Variants in HECW2 observed in about 807,000 individuals in gnomAD.
HECW2 encodes the protein E3 ubiquitin-protein ligase HECW2.
In HECW2, 61 loss-of-function variants were observed where a neutral mutation model predicts 175.2. That is an observed-to-expected ratio of 0.35 (90% CI 0.28 to 0.43). The LOEUF (loss-of-function observed/expected upper bound fraction) is 0.43, where lower values mean the gene tolerates loss of function less well. Ranked by LOEUF, HECW2 falls within the 20% of genes least tolerant of loss-of-function variation. The pLI, the probability that HECW2 is intolerant of heterozygous loss-of-function variation, is 1.00. For missense variants in HECW2, 1,524 were observed against 2,000.5 expected (o/e 0.76, Z 4.54); for synonymous variants, 671 against 731.0 (o/e 0.92, Z 1.32).
chr2:196,284,231 T>A (rs919439034), intron 14 of HECW2, among the ~76,000 whole-genome samples: 2 of 152,240 alleles, frequency 1.3e-5, no homozygotes, highest in Non-Finnish European at 2.9e-5. Context: ...CCAGACAGCA[T>A]GCTCTACATA....
At chr2:196,436,619 G>A (rs1695883744) in intron 1 of HECW2, among the ~76,000 whole-genome samples, 1 of 152,036 alleles carries the variant, frequency 6.6e-6, no homozygotes, top group Non-Finnish European at 1.5e-5. Context: ...TGTTTTCAGT[G>A]AAAGAACAAA....
chr2:196,242,548 T>C (rs1312532718), intron 19 of HECW2: 5 of 234,266 alleles, frequency 2.1e-5, no homozygotes, highest in Non-Finnish European at 4.2e-5. Flanking sequence ...ATGTCTTTGC[T>C]TGCTGCTGAA....
intron 1 of HECW2, among the ~76,000 whole-genome samples, chr2:196,460,315 A>G (rs1696689544): frequency 6.6e-6 from 1 of 152,204 alleles, no homozygotes; most frequent in African/African-American, 2.4e-5. Context: ...AGGCATTTTT[A>G]TTCGACTTTC....
At chr2:196,432,929 AT>A (rs1187814344) in intron 2 of HECW2, among the ~76,000 whole-genome samples, 1 of 152,218 alleles carries the variant, frequency 6.6e-6, no homozygotes, top group Non-Finnish European at 1.5e-5. Flanking sequence ...TGAGGTAGAG[AT>A]GTAACCACAA....
At chr2:196,535,928 C>G (rs1689004719) in intron 1 of HECW2, among the ~76,000 whole-genome samples, 1 of 152,028 alleles carries the variant, frequency 6.6e-6, no homozygotes, top group South Asian at 2.1e-4. Flanking sequence ...AAAAAAAAAT[C>G]TACCTCCAGG....
At chr2:196,450,056 C>T (rs930639792) in intron 1 of HECW2, among the ~76,000 whole-genome samples, 8 of 152,180 alleles carry the variant, frequency 5.3e-5, no homozygotes, top group Admixed American at 6.5e-5. Flanking sequence ...GGCTGAGAAC[C>T]AGAAAGAAAG....
At chr2:196,540,690 C>T (rs1689179801) in intron 1 of HECW2, among the ~76,000 whole-genome samples, 1 of 152,112 alleles carries the variant, frequency 6.6e-6, no homozygotes, top group Non-Finnish European at 1.5e-5. Flanking sequence ...AGCAATCCTC[C>T]TACTTCAAAG....
At chr2:196,405,650 A>T (rs182458049) in intron 2 of HECW2, among the ~76,000 whole-genome samples, 1 of 152,156 alleles carries the variant, frequency 6.6e-6, no homozygotes, top group East Asian at 1.9e-4. Context: ...TGTGCACATC[A>T]ATGTCATGTG....
chr2:196,577,178 T>C lies in HECW2; in HGVS notation c.-36+16330A>G, dbSNP rs75541183. Among the ~76,000 whole-genome samples, 676 of 152,230 alleles carry C rather than the reference T, an allele frequency of 4.4e-3. 6 individuals are homozygous for C. Among genetic ancestry groups the C allele is most frequent in the African/African-American group, 0.015 (642 of 41,558 alleles). On this transcript the variant is annotated intron_variant, in intron 1 of 28. Coordinates refer to ENST00000644978, the MANE Select transcript of HECW2 (RefSeq NM_001348768.2). ...GTTCCAGGTTCATATACACCACATGTCTCCACATGCAGCTGGTTGCATTCA... is the reference window on the plus strand; with the variant it reads ...GTTCCAGGTTCATATACACCACATGCCTCCACATGCAGCTGGTTGCATTCA...
At chr2:196,334,336 C>A in intron 4 of HECW2, 88 bp downstream of exon 4, 1 of 961,912 alleles carries the variant, frequency 1.0e-6, no homozygotes, top group South Asian at 1.4e-5. Flanking sequence ...CATTGTTCCT[C>A]ATAACCCTGT....
chr2:196,201,773 T>C (rs1316266175), intron 28 of HECW2, among the ~76,000 whole-genome samples: 5 of 152,116 alleles, frequency 3.3e-5, no homozygotes, highest in South Asian at 4.1e-4. Context: ...GTAGTTCATT[T>C]TGAGTTGGCA....
At chr2:196,558,601 G>A (rs891969228) in intron 1 of HECW2, among the ~76,000 whole-genome samples, 18 of 152,192 alleles carry the variant, frequency 1.2e-4, no homozygotes, top group African/African-American at 2.9e-4. Context: ...TTTTAAGCAC[G>A]TAGTCCCTTT....
chr2:196,486,803 T>C (rs561070448), intron 1 of HECW2, among the ~76,000 whole-genome samples: 1 of 152,130 alleles, frequency 6.6e-6, no homozygotes, highest in Non-Finnish European at 1.5e-5. Context: ...ATTCCAAATA[T>C]AAGCTTAGAT....
At chr2:196,313,462 A>C (rs1188694818) in intron 10 of HECW2, among the ~76,000 whole-genome samples, 1 of 152,166 alleles carries the variant, frequency 6.6e-6, no homozygotes, top group Non-Finnish European at 1.5e-5. Context: ...AAGGCCTGGA[A>C]CTTTCTTATT....
chr2:196,504,354 C>G (rs1390001842), intron 1 of HECW2, among the ~76,000 whole-genome samples: 1 of 150,842 alleles, frequency 6.6e-6, no homozygotes, highest in Non-Finnish European at 1.5e-5. Context: ...ACCACAGGTG[C>G]CGGGACCCTG....
At chr2:196,510,826 A>G (rs1487035460) in intron 1 of HECW2, among the ~76,000 whole-genome samples, 1 of 152,068 alleles carries the variant, frequency 6.6e-6, no homozygotes, top group East Asian at 1.9e-4. Context: ...ATGGTGACTT[A>G]TTTTTCCCCT....
Position 196,402,699 on chromosome 2 carries a change from T to A in HECW2, c.292+30433A>T, listed in dbSNP as rs551564703. ...ACTGTAAGAGAACGAACAAAATTTC[T>A]ATAGCTAACAATTTAATTTGGGAGG... is the stretch of plus-strand genomic sequence containing the variant. On this transcript the variant is annotated intron_variant, in intron 2 of 28. Transcript: ENST00000644978. 2.6e-5 allele frequency among the ~76,000 whole-genome samples: 4 copies of A among 152,222 alleles called. No homozygotes were observed. The East Asian group carries it at 7.7e-4, about 29-fold the overall frequency.
intron 1 of HECW2, among the ~76,000 whole-genome samples, chr2:196,453,527 G>A (rs1000235194): frequency 2.0e-5 from 3 of 152,096 alleles, no homozygotes; most frequent in African/African-American, 7.2e-5. Context: ...GATCCATACA[G>A]AGCATCTCAG....
intron 4 of HECW2, among the ~76,000 whole-genome samples, chr2:196,330,722 T>G (rs1332834790): frequency 6.6e-6 from 1 of 152,136 alleles, no homozygotes; most frequent in Non-Finnish European, 1.5e-5. Flanking sequence ...AGAATTCTGT[T>G]AGGTCAGTTT....
Sources: gnomAD v4.1 joint callset for allele counts (sites outside exome capture counted in the v4.1 genomes callset) on GRCh38, gnomAD v4.1.1 for gene constraint, MANE v1.5 for transcripts, NCBI Gene and HGNC (gene_info 2026-07-23, HGNC 2026-07-21) for gene names.